The following SLC44A1 variants were observed in gnomAD, a reference collection of about 807,000 sequenced individuals.
SLC44A1 encodes solute carrier family 44 member 1, also known as choline transporter-like protein 1.
SLC44A1 carries 26 observed loss-of-function variants against 79.3 expected under a neutral mutation model. The ratio of observed to expected loss-of-function variants is 0.33; its 90% CI spans 0.24 to 0.46. The LOEUF (loss-of-function observed/expected upper bound fraction) is 0.46. Ranked by LOEUF, SLC44A1 falls within the 20% of genes least tolerant of loss-of-function variation. The probability of loss-of-function intolerance (pLI) is 1.00; values close to 1 mark genes in which losing one functional copy is unlikely to be tolerated. For missense variants in SLC44A1, 688 were observed against 798.1 expected (o/e 0.86, Z 1.66); for synonymous variants, 263 against 286.2 (o/e 0.92, Z 0.82).
At chr9:105,276,312 G>A (rs2131241488) in intron 1 of SLC44A1, among the ~76,000 whole-genome samples, 1 of 152,262 alleles carries the variant, frequency 6.6e-6, no homozygotes, top group South Asian at 2.1e-4. Flanking sequence ...TAAGGTGACT[G>A]AAGAGTCACA....
chr9:105,277,821 T>C (rs1830245281), intron 1 of SLC44A1, among the ~76,000 whole-genome samples: 2 of 152,064 alleles, frequency 1.3e-5, no homozygotes, highest in African/African-American at 4.8e-5. Context: ...ACAAGAGTAC[T>C]AAAAAACAAA....
intron 15 of SLC44A1, among the ~76,000 whole-genome samples, chr9:105,409,724 A>G (rs898115563): frequency 6.6e-6 from 1 of 152,208 alleles, no homozygotes; most frequent in Non-Finnish European, 1.5e-5. Context: ...CACGAAACAG[A>G]AACTAACAGA....
intron 1 of SLC44A1, among the ~76,000 whole-genome samples, chr9:105,279,773 T>C (rs1375503852): frequency 6.6e-6 from 1 of 151,998 alleles, no homozygotes; most frequent in Non-Finnish European, 1.5e-5. Flanking sequence ...CGTGCAATAA[T>C]CCACCATACC....
At chr9:105,245,691 A>G (rs1019267965) in intron 1 of SLC44A1, among the ~76,000 whole-genome samples, 1 of 152,126 alleles carries the variant, frequency 6.6e-6, no homozygotes, top group Non-Finnish European at 1.5e-5. Flanking sequence ...TTCCGAATTT[A>G]GTTTTTCTGT....
chr9:105,423,291 C>T (rs1180392426), intron 15 of SLC44A1, among the ~76,000 whole-genome samples: 2 of 152,100 alleles, frequency 1.3e-5, no homozygotes, highest in Non-Finnish European at 2.9e-5. Context: ...TGGTGAAACC[C>T]TGTCTCTACT....
chr9:105,383,839 C>G (rs768818774), intron 14 of SLC44A1, among the ~76,000 whole-genome samples: 1 of 152,096 alleles, frequency 6.6e-6, no homozygotes, highest in African/African-American at 2.4e-5. Flanking sequence ...TGATGAATAC[C>G]GATAACAGAC....
intron 1 of SLC44A1, among the ~76,000 whole-genome samples, chr9:105,268,340 A>G (rs1588715345): frequency 1.3e-5 from 2 of 152,180 alleles, no homozygotes; most frequent in East Asian, 3.9e-4. Context: ...TACTAGGTCA[A>G]TTTATTCTCC....
intron 5 of SLC44A1, among the ~76,000 whole-genome samples, chr9:105,355,407 A>G (rs763842361): frequency 2.6e-5 from 4 of 152,246 alleles, no homozygotes; most frequent in Non-Finnish European, 4.4e-5. Context: ...GACACAGATA[A>G]TCTTAGATTA....
intron 1 of SLC44A1, among the ~76,000 whole-genome samples, chr9:105,255,191 C>T (rs1829677918): frequency 6.7e-6 from 1 of 150,178 alleles, no homozygotes; most frequent in South Asian, 2.1e-4. Context: ...ATATAAAATG[C>T]ATCCTTGCAA....
chr9:105,283,772 G>A (rs1830412918), intron 1 of SLC44A1, among the ~76,000 whole-genome samples: 1 of 152,312 alleles, frequency 6.6e-6, no homozygotes, highest in Non-Finnish European at 1.5e-5. Context: ...AATGTTAGCA[G>A]CTTAGTCTGT....
At chr9:105,251,970 C>T (rs906953085) in intron 1 of SLC44A1, among the ~76,000 whole-genome samples, 1 of 150,290 alleles carries the variant, frequency 6.7e-6, no homozygotes, top group Admixed American at 6.6e-5. Context: ...ATCTGACCTG[C>T]TACCTGTTTT....
chr9:105,311,887 T>C (rs1322274335), intron 3 of SLC44A1, among the ~76,000 whole-genome samples: 1 of 152,206 alleles, frequency 6.6e-6, no homozygotes, highest in African/African-American at 2.4e-5. Context: ...AGCAGCAGTC[T>C]TTGTGTTTGT....
intron 15 of SLC44A1, among the ~76,000 whole-genome samples, chr9:105,417,193 C>G (rs1829182974): frequency 6.6e-6 from 1 of 152,208 alleles, no homozygotes; most frequent in Non-Finnish European, 1.5e-5. Context: ...GGGCCAAACA[C>G]TGAGCACTGG....
chr9:105,385,318 C>A, intron 14 of SLC44A1, 104 bp from the exon 15 acceptor site: 1 of 776,922 alleles, frequency 1.3e-6, no homozygotes, highest in Non-Finnish European at 2.1e-6. Flanking sequence ...TTAAGCCATC[C>A]ATTTACCAAG....
rs191353278 is a variant in SLC44A1 at position 105,366,955 on chromosome 9, C to T, written c.1494+526C>T. 6.0e-5 allele frequency among the ~76,000 whole-genome samples: 9 copies of T among 150,738 alleles called. No individual in the cohort carries two copies. The East Asian group carries it at 1.7e-3, about 29-fold the overall frequency. On this transcript the variant is annotated intron_variant, in intron 12 of 15. Transcript: ENST00000374720. ...TGCTGATACTTTTTTTTTTTTTGAC[C>T]CAACTGCTAAACACTATGATATTGG...
intron 1 of SLC44A1, among the ~76,000 whole-genome samples, chr9:105,253,053 G>T (rs1261805662): frequency 6.6e-6 from 1 of 152,060 alleles, no homozygotes; most frequent in African/African-American, 2.4e-5. Flanking sequence ...ACAAACATTT[G>T]GTTGATAAAC....
Position 105,395,253 on chromosome 9 carries a change from T to A in SLC44A1, c.*6197T>A, listed in dbSNP as rs1290240698. On this transcript the variant is annotated 3_prime_UTR_variant, in exon 16 of 16. Transcript: ENST00000374720. ...GTGTTTTTTTGAGACGGAGTCTCGC[T>A]CTATCGCCAGCTTAGAGTGCAGTGG... 1 of 910,400 alleles carries A rather than the reference T, an allele frequency of 1.1e-6. No homozygotes were observed. The highest frequency in any genetic ancestry group is 1.3e-6 in the Non-Finnish European group (1 of 761,822). 56.4% of individuals were successfully genotyped at this position (910,400 alleles called of 1,614,324 possible).
At chr9:105,248,024 A>C (rs933587604) in intron 1 of SLC44A1, among the ~76,000 whole-genome samples, 1 of 152,276 alleles carries the variant, frequency 6.6e-6, no homozygotes, top group African/African-American at 2.4e-5. Flanking sequence ...CTTAATGTGT[A>C]TGTTTTAGTT....
chr9:105,396,118 TCTG>T lies in SLC44A1; in HGVS notation c.*7066_*7068del, dbSNP rs1828871346. On this transcript the variant is annotated 3_prime_UTR_variant, in exon 16 of 16. Transcript: ENST00000374720. ...TCACATGGGGACAGTTAACTTTTCTTCTGCTGTGTTGCCTTAATGCTACTAGAT... is the reference window on the plus strand; with the variant it reads ...TCACATGGGGACAGTTAACTTTTCTTCTGTGTTGCCTTAATGCTACTAGAT... The T allele has an allele frequency of 1.0e-5, 10 of 985,416 alleles. No individual in the cohort carries two copies. The highest frequency in any genetic ancestry group is 1.2e-5 in the Non-Finnish European group (10 of 829,930). 61.0% of individuals were successfully genotyped at this position (985,416 alleles called of 1,614,324 possible).
Sources: allele counts gnomAD v4.1 joint callset (sites outside exome capture counted in the v4.1 genomes callset), GRCh38; gene constraint gnomAD v4.1.1; transcripts MANE v1.5; gene names NCBI Gene and HGNC (gene_info 2026-07-23, HGNC 2026-07-21).